ATP5MG: variants seen among roughly 807,000 people sequenced by gnomAD.
The protein encoded by ATP5MG is ATP synthase F(0) complex subunit g, mitochondrial.
In ATP5MG, 7 loss-of-function variants were observed where a neutral mutation model predicts 12.7. That is an observed-to-expected ratio of 0.55 (90% CI 0.31 to 1.04). The LOEUF (loss-of-function observed/expected upper bound fraction) is 1.04. ATP5MG is among the 50% of genes least tolerant of loss of function. The pLI is 0.05. For missense variants in ATP5MG, 116 were observed against 126.7 expected (o/e 0.92, Z 0.41); for synonymous variants, 53 against 48.2 (o/e 1.10, Z -0.41).
Position 118,401,625 on chromosome 11 carries a change from C to A in ATP5MG, c.-41C>A. 6.2e-7 allele frequency: 1 copy of A among 1,613,420 alleles called. No individual in the cohort carries two copies. Among genetic ancestry groups the A allele is most frequent in the Non-Finnish European group, 8.5e-7 (1 of 1,179,532 alleles). ...GCGGGTCCTTCCGGCGGGTGACATTCAGCCGGCGGTTCGGGGCGACGGACT... is the reference window on the plus strand; with the variant it reads ...GCGGGTCCTTCCGGCGGGTGACATTAAGCCGGCGGTTCGGGGCGACGGACT... On this transcript the variant is annotated 5_prime_UTR_variant, in exon 1 of 3. Transcript: ENST00000300688.
intron 1 of ATP5MG, chr11:118,406,243 T>C (rs1948970743): frequency 6.6e-6 from 1 of 152,372 alleles, no homozygotes. Flanking sequence ...TGGTTGTTAA[T>C]GATCTCTTCT....
Position 118,409,035 on chromosome 11 carries a change from G to A in ATP5MG, c.249G>A (p.Val83=), listed in dbSNP as rs374974814. Residue 83 remains valine (V), a synonymous_variant, in exon 3 of 3, where the codon GTG becomes GTA. Transcript: ENST00000300688. ...TGAATGGTTTGGTGGCCACTGAGGT[G>A]TTGATGTGGTTTTATGTCGGAGAGA... ...AVLNGLVATE[V]LMWFYVGEII... is the part of the protein sequence containing the mutation. The A allele has an allele frequency of 1.9e-6, 3 of 1,607,072 alleles. No individual in the cohort carries two copies. Among genetic ancestry groups the A allele is most frequent in the African/African-American group, 2.7e-5 (2 of 74,506 alleles).
chr11:118,401,839 C>G, intron 1 of ATP5MG, 122 bp downstream of exon 1: 2 of 1,222,054 alleles, frequency 1.6e-6, no homozygotes, highest in Non-Finnish European at 2.3e-6. Flanking sequence ...GCGGGATGGC[C>G]TGCAGGTGGA....
At chr11:118,406,527 T>C (rs1472096966) in intron 1 of ATP5MG, 1 of 200,600 alleles carries the variant, frequency 5.0e-6, no homozygotes, top group African/African-American at 2.3e-5. Flanking sequence ...CCTTCATCCC[T>C]TTCTTCACCT....
intron 1 of ATP5MG, among the ~76,000 whole-genome samples, chr11:118,402,560 T>G (rs1357092670): frequency 6.6e-6 from 1 of 152,182 alleles, no homozygotes; most frequent in Non-Finnish European, 1.5e-5. Flanking sequence ...AGTAAGTGAC[T>G]GAAGGTCGGA....
In ATP5MG at chr11:118,409,379, G is replaced by C. The variant is rs1020712640; in HGVS notation, c.*281G>C. 1 of 173,642 alleles carries C rather than the reference G, an allele frequency of 5.8e-6. No homozygotes were observed. The highest frequency in any genetic ancestry group is 6.3e-5 in the Admixed American group (1 of 15,976). The allele number at this position is 173,642 out of a possible 1,614,324, so 10.8% of individuals were successfully genotyped here. ...GGATAACATTTTAATTTGAAGGTTT[G>C]GAATATATATATTTAAGCTTTATTT... On this transcript the variant is annotated 3_prime_UTR_variant, in exon 3 of 3. Transcript: ENST00000300688.
In ATP5MG at chr11:118,409,064, T is replaced by C; in HGVS notation, c.278T>C (p.Ile93Thr). The C allele has an allele frequency of 6.2e-7, 1 of 1,608,096 alleles. No individual in the cohort carries two copies. Among genetic ancestry groups the C allele is most frequent in the Non-Finnish European group, 8.5e-7 (1 of 1,176,982 alleles). ...VLMWFYVGEI[I>T]GKRGIIGYDV ...ATGTGGTTTTATGTCGGAGAGATTA[T>C]AGGCAAGCGGGGCATCATTGGCTAT... Residue 93 changes from isoleucine to threonine, a missense_variant, in exon 3 of 3, where the codon ATA becomes ACA. Physicochemically the swap from Ile to Thr is moderately conservative, Grantham distance 89 (BLOSUM62 -1). Transcript: ENST00000300688.
At chr11:118,405,189 C>G (rs1196728959) in intron 1 of ATP5MG, among the ~76,000 whole-genome samples, 2 of 152,150 alleles carry the variant, frequency 1.3e-5, no homozygotes, top group Non-Finnish European at 2.9e-5. Flanking sequence ...ACTTCTAGGT[C>G]CTCTCATTTG....
rs782805572 is a variant in ATP5MG at position 118,401,615 on chromosome 11, G to A, written c.-51G>A. 6.2e-6 allele frequency: 10 copies of A among 1,611,298 alleles called. No homozygotes were observed. Among genetic ancestry groups the A allele is most frequent in the Non-Finnish European group, 8.5e-6 (10 of 1,177,738 alleles). The stretch of plus-strand genomic sequence containing the variant: ...GGGTCCTGCAGCGGGTCCTTCCGGC[G>A]GGTGACATTCAGCCGGCGGTTCGGG... On this transcript the variant is annotated 5_prime_UTR_variant, in exon 1 of 3. Coordinates refer to ENST00000300688, the MANE Select transcript of ATP5MG (RefSeq NM_006476.5).
chr11:118,402,651 T>G (rs1257386049), intron 1 of ATP5MG, among the ~76,000 whole-genome samples: 2 of 152,116 alleles, frequency 1.3e-5, no homozygotes, highest in East Asian at 3.8e-4. Context: ...CTAGCCTATT[T>G]TGCTGTGTTT....
In ATP5MG at chr11:118,401,633, G is replaced by C. The variant is rs565946054; in HGVS notation, c.-33G>C. The C allele has an allele frequency of 6.2e-7, 1 of 1,613,886 alleles. No homozygotes were observed. Among genetic ancestry groups the C allele is most frequent in the East Asian group, 2.2e-5 (1 of 44,874 alleles). On this transcript the variant is annotated 5_prime_UTR_variant, in exon 1 of 3. Transcript: ENST00000300688. ...TTCCGGCGGGTGACATTCAGCCGGC[G>C]GTTCGGGGCGACGGACTCTCCATTC...
rs1216752370 is a variant in ATP5MG at position 118,401,707 on chromosome 11, G to T, written c.42G>T (p.Ala14=). The part of the protein sequence containing the change: ...FVRNLVEKTP[A]LVNAAVTYSK... ...GTAACCTTGTGGAGAAGACCCCGGC[G>T]CTGGTGAACGGTGAGCGCGATGTGA... Residue 14 remains alanine, a synonymous_variant, in exon 1 of 3, where the codon GCG becomes GCT. Coordinates refer to ENST00000300688, the MANE Select transcript of ATP5MG (RefSeq NM_006476.5). 6 of 1,613,366 alleles carry T rather than the reference G, an allele frequency of 3.7e-6. No individual in the cohort carries two copies. Among genetic ancestry groups the T allele is most frequent in the Non-Finnish European group, 5.1e-6 (6 of 1,179,582 alleles).
chr11:118,407,179 T>A (rs1158658132), intron 2 of ATP5MG, 82 bp downstream of exon 2: 2 of 1,564,074 alleles, frequency 1.3e-6, no homozygotes, highest in Non-Finnish European at 1.7e-6. Context: ...TTGATTAATA[T>A]ATATGTTTCC....
chr11:118,404,546 T>TGTCTG (rs2134126528), intron 1 of ATP5MG, among the ~76,000 whole-genome samples: 1 of 152,288 alleles, frequency 6.6e-6, no homozygotes, highest in East Asian at 1.9e-4. Context: ...AATCTGGATT[T>TGTCTG]GTCTGGTGTT....
chr11:118,407,167 T>C (rs1161153272), intron 2 of ATP5MG, 70 bp downstream of exon 2: 5 of 1,588,848 alleles, frequency 3.1e-6, no homozygotes, highest in Non-Finnish European at 3.4e-6. Context: ...TTTCTGATTG[T>C]TTTGATTAAT....
chr11:118,405,830 A>G (rs782405794), intron 1 of ATP5MG: 5 of 395,990 alleles, frequency 1.3e-5, no homozygotes, highest in Non-Finnish European at 1.7e-5. Context: ...TGAACAGTAG[A>G]CACTTTATGG....
chr11:118,406,576 G>T, intron 1 of ATP5MG: 2 of 200,866 alleles, frequency 1.0e-5, no homozygotes, highest in East Asian at 1.2e-4. Flanking sequence ...AAGAAAATAT[G>T]AATAAATTGA....
chr11:118,409,003 G>T lies in ATP5MG; in HGVS notation c.217G>T (p.Ala73Ser). The T allele has an allele frequency of 6.4e-7, 1 of 1,571,446 alleles. No individual in the cohort carries two copies. Among genetic ancestry groups the T allele is most frequent in the Non-Finnish European group, 8.6e-7 (1 of 1,157,894 alleles). Residue 73 changes from alanine (A) to serine (S), a missense_variant, in exon 3 of 3, where the codon GCT (alanine) becomes TCT (serine). Coordinates refer to ENST00000300688, the MANE Select transcript of ATP5MG (RefSeq NM_006476.5). ...AAATGTATGCTTCTTTTTTCAGGAA[G>T]CTGTGCTGAATGGTTTGGTGGCCAC... is the stretch of plus-strand genomic sequence containing the variant. ...GSFKQLTVKE[A>S]VLNGLVATEV... is the part of the protein sequence containing the mutation.
intron 1 of ATP5MG, chr11:118,406,732 C>G (rs1434355209): frequency 1.5e-5 from 10 of 666,986 alleles, no homozygotes; most frequent in East Asian, 1.2e-4. Flanking sequence ...GATTGAACAT[C>G]CCTGTGGCAC....
Sources: allele counts gnomAD v4.1 joint callset (sites outside exome capture counted in the v4.1 genomes callset), GRCh38; gene constraint gnomAD v4.1.1; transcripts MANE v1.5; gene names NCBI Gene and HGNC (gene_info 2026-07-23, HGNC 2026-07-21).